The following ADAM10 variants were observed in gnomAD, a reference collection of about 807,000 sequenced individuals.
The protein encoded by ADAM10 is ADAM metallopeptidase domain 10, also known as disintegrin and metalloproteinase domain-containing protein 10.
Under a neutral mutation model 90.1 loss-of-function variants are expected in ADAM10, and 17 were observed. The ratio of observed to expected loss-of-function variants is 0.19; its 90% CI spans 0.13 to 0.28. The LOEUF is 0.28. Ranked by LOEUF, ADAM10 falls within the 10% of genes least tolerant of loss-of-function variation. ADAM10 has a pLI of 1.00. For synonymous variants in ADAM10, 310 were observed against 298.6 expected, an observed-to-expected ratio of 1.04 and a Z score of -0.40; for missense variants, 610 against 914.3, an observed-to-expected ratio of 0.67 and a Z score of 4.29.
chr15:58,610,597 C>T, intron 13 of ADAM10, 80 bp from the exon 14 acceptor site: 1 of 1,421,190 alleles, frequency 7.0e-7, no homozygotes, highest in African/African-American at 1.4e-5. Flanking sequence ...TGTGCAAATA[C>T]AAAGAGGGAA....
intron 5 of ADAM10, among the ~76,000 whole-genome samples, chr15:58,662,329 T>C (rs1566985121): frequency 6.6e-6 from 1 of 152,180 alleles, no homozygotes; most frequent in East Asian, 1.9e-4. Flanking sequence ...GCTTGGGATA[T>C]CTAATAAGTG....
intron 1 of ADAM10, chr15:58,748,903 T>C (rs1595677969): frequency 5.0e-6 from 2 of 398,788 alleles, no homozygotes; most frequent in East Asian, 3.6e-5. Context: ...CTCTGCAGAA[T>C]GGGGTCGGTC....
At chr15:58,624,689 T>C (rs1309794728) in intron 10 of ADAM10, among the ~76,000 whole-genome samples, 3 of 152,104 alleles carry the variant, frequency 2.0e-5, no homozygotes, top group African/African-American at 4.8e-5. Flanking sequence ...CACGCCACCA[T>C]GCCTCACTGA....
Position 58,597,416 on chromosome 15 carries a change from G to T in ADAM10, c.*131C>A. 1 of 1,559,308 alleles carries T rather than the reference G, an allele frequency of 6.4e-7. No individual in the cohort carries two copies. Among genetic ancestry groups the T allele is most frequent in the South Asian group, 1.2e-5 (1 of 84,942 alleles). On this transcript the variant is annotated 3_prime_UTR_variant, in exon 16 of 16. Coordinates refer to ENST00000260408, the MANE Select transcript of ADAM10 (RefSeq NM_001110.4). The stretch of plus-strand genomic sequence containing the variant: ...GTAATTCCACCTGGTCTGAGGATAT[G>T]ATCTCTTGCCATTTTTTCTTCAACT...
chr15:58,698,121 T>C (rs1166959245), intron 2 of ADAM10, among the ~76,000 whole-genome samples: 1 of 152,082 alleles, frequency 6.6e-6, no homozygotes, highest in African/African-American at 2.4e-5. Context: ...CAAGGAAATA[T>C]GACCTAAATA....
chr15:58,621,706 A>G (rs1188427266), intron 10 of ADAM10, 85 bp from the exon 11 acceptor site: 9 of 1,529,504 alleles, frequency 5.9e-6, no homozygotes, highest in Non-Finnish European at 7.2e-6. Flanking sequence ...GATCATCATA[A>G]CAAAGGGATA....
chr15:58,726,829 C>T (rs577441496), intron 1 of ADAM10, among the ~76,000 whole-genome samples: 4 of 146,184 alleles, frequency 2.7e-5, no homozygotes, highest in East Asian at 2.2e-4. Flanking sequence ...CATTTGTGAA[C>T]GGCCACTGCA....
chr15:58,696,375 T>C (rs1355295932), intron 2 of ADAM10, among the ~76,000 whole-genome samples: 1 of 151,976 alleles, frequency 6.6e-6, no homozygotes, highest in African/African-American at 2.4e-5. Context: ...AAGTACAAGC[T>C]AGATAAACAA....
chr15:58,693,156 A>G (rs751777870), intron 2 of ADAM10: 1 of 731,998 alleles, frequency 1.4e-6, no homozygotes, highest in South Asian at 1.3e-5. Flanking sequence ...AAAAGGCAAA[A>G]GTCGCCACCT....
chr15:58,693,054 AG>A, intron 2 of ADAM10: 1 of 752,774 alleles, frequency 1.3e-6, no homozygotes, highest in East Asian at 2.5e-5. Context: ...CTAAGGCATC[AG>A]AAGCATTAGA....
chr15:58,637,473 C>G (rs560479611), intron 8 of ADAM10, among the ~76,000 whole-genome samples: 1 of 152,320 alleles, frequency 6.6e-6, no homozygotes, highest in Non-Finnish European at 1.5e-5. Context: ...AGAAAACACA[C>G]AAGAATCCTG....
intron 2 of ADAM10, among the ~76,000 whole-genome samples, chr15:58,708,588 A>C (rs991145457): frequency 1.3e-5 from 2 of 152,180 alleles, no homozygotes; most frequent in Non-Finnish European, 2.9e-5. Flanking sequence ...GCTTGAGCTC[A>C]GAAGTTTGAG....
rs79429369 is a variant in ADAM10 at position 58,615,378 on chromosome 15, C to T, written c.1512-3387G>A. Among the ~76,000 whole-genome samples, 1,453 of 152,108 alleles carry T rather than the reference C, an allele frequency of 9.6e-3. 36 individuals are homozygous for T. Among genetic ancestry groups the T allele is most frequent in the African/African-American group, 0.033 (1,366 of 41,486 alleles). The stretch of plus-strand genomic sequence containing the variant: ...ATGAATATACACCAATGAAATCCCC[C>T]TACTTAAAAAGACACAACCTGGCTG... On this transcript the variant is annotated intron_variant, in intron 11 of 15. Coordinates refer to ENST00000260408, the MANE Select transcript of ADAM10 (RefSeq NM_001110.4).
chr15:58,747,655 T>A (rs1265017302), intron 1 of ADAM10: 3 of 152,206 alleles, frequency 2.0e-5, no homozygotes, highest in African/African-American at 4.8e-5. Context: ...AAACTTGTCT[T>A]ATGTTTTTTG....
chr15:58,688,957 A>G (rs1382847139), intron 2 of ADAM10, among the ~76,000 whole-genome samples: 1 of 150,658 alleles, frequency 6.6e-6, no homozygotes, highest in Admixed American at 6.6e-5. Flanking sequence ...GTAAATAAAT[A>G]AAGAAGCGAG....
intron 2 of ADAM10, among the ~76,000 whole-genome samples, chr15:58,683,752 G>T (rs1005714477): frequency 6.6e-6 from 1 of 150,618 alleles, no homozygotes; most frequent in Non-Finnish European, 1.5e-5. Context: ...CCCAGCTACT[G>T]GGGAGGCTGA....
chr15:58,724,978 C>G (rs1188591978), intron 1 of ADAM10, among the ~76,000 whole-genome samples: 1 of 151,642 alleles, frequency 6.6e-6, no homozygotes, highest in Non-Finnish European at 1.5e-5. Context: ...ATTGCTTGAG[C>G]CCAGGAGTTC....
intron 5 of ADAM10, among the ~76,000 whole-genome samples, chr15:58,663,598 G>C (rs1312811002): frequency 6.6e-6 from 1 of 152,052 alleles, no homozygotes; most frequent in African/African-American, 2.4e-5. Context: ...GAATAAGCCT[G>C]TTGTAATGTG....
chr15:58,651,182 T>A lies in ADAM10; in HGVS notation c.586-4978A>T, dbSNP rs1450747095. ...AAGATATATAATACTTTGATAGGAA[T>A]GCAATGTGTAAATCACATCATGTTA... On this transcript the variant is annotated intron_variant, in intron 5 of 15. Transcript: ENST00000260408. Among the ~76,000 whole-genome samples, 4 of 152,184 alleles carry A rather than the reference T, an allele frequency of 2.6e-5. No individual in the cohort carries two copies. The South Asian group carries it at 6.2e-4, about 24-fold the overall frequency.
Sources: gnomAD v4.1 joint callset for allele counts (sites outside exome capture counted in the v4.1 genomes callset) on GRCh38, gnomAD v4.1.1 for gene constraint, MANE v1.5 for transcripts, NCBI Gene and HGNC (gene_info 2026-07-23, HGNC 2026-07-21) for gene names.